The following SDK1 variants were observed in gnomAD, a reference collection of about 807,000 sequenced individuals.
SDK1 encodes the protein sidekick cell adhesion molecule 1.
SDK1 carries 157 observed loss-of-function variants against 245.5 expected under a neutral mutation model. That is an observed-to-expected ratio of 0.64 (90% confidence interval 0.56 to 0.73). The LOEUF is 0.73. SDK1 is among the 30% of genes least tolerant of loss of function. The pLI is 0.00. For synonymous variants in SDK1, 1,647 were observed against 1,278.5 expected (o/e 1.29, Z -6.15); for missense variants, 3,583 against 3,002.3 (o/e 1.19, Z -4.52).
At chr7:3,915,975 C>T (rs1160938441) in intron 5 of SDK1, among the ~76,000 whole-genome samples, 2 of 152,088 alleles carry the variant, frequency 1.3e-5, no homozygotes, top group Non-Finnish European at 2.9e-5. Flanking sequence ...TTCCCTAAAC[C>T]AAAAAGTGAC....
At chr7:3,717,959 T>C (rs963971955) in intron 4 of SDK1, among the ~76,000 whole-genome samples, 59 of 142,762 alleles carry the variant, frequency 4.1e-4, no homozygotes, top group African/African-American at 1.4e-3. Context: ...AGACAGCATT[T>C]AAAAAAAAAA....
intron 5 of SDK1, among the ~76,000 whole-genome samples, chr7:3,936,584 C>CA (rs35348363): frequency 0.43 from 60,604 of 139,428 alleles, 14,719 homozygotes; most frequent in African/African-American, 0.71. Flanking sequence ...GACTCCATCT[C>CA]AAAAAAAAAA....
chr7:4,147,374 A>G (rs918865160), intron 29 of SDK1, among the ~76,000 whole-genome samples: 7 of 152,072 alleles, frequency 4.6e-5, no homozygotes, highest in Admixed American at 2.6e-4. Flanking sequence ...TCTTGCTATG[A>G]TACCCATCTT....
chr7:3,795,403 T>C lies in SDK1; in HGVS notation c.714-26047T>C, dbSNP rs369367240. Reference sequence around the variant, plus strand: ...TGGAAGGAGTCTGATTCAGGCCTTATAGATCATTTATATTACAGAGAAAGG... The same window carrying C: ...TGGAAGGAGTCTGATTCAGGCCTTACAGATCATTTATATTACAGAGAAAGG... On this transcript the variant is annotated intron_variant, in intron 4 of 44. Coordinates refer to ENST00000404826, the MANE Select transcript of SDK1 (RefSeq NM_152744.4). Among the ~76,000 whole-genome samples, 17 of 152,228 alleles carry C rather than the reference T, an allele frequency of 1.1e-4. No individual in the cohort carries two copies. The South Asian group carries it at 2.3e-3, about 20-fold the overall frequency.
chr7:3,432,587 A>G (rs1779888435), intron 1 of SDK1, among the ~76,000 whole-genome samples: 2 of 152,184 alleles, frequency 1.3e-5, no homozygotes, highest in Admixed American at 6.5e-5. Flanking sequence ...GGGAAGAAAC[A>G]TATTTTGCTA....
intron 1 of SDK1, among the ~76,000 whole-genome samples, chr7:3,528,945 A>G (rs1054230218): frequency 1.3e-5 from 2 of 152,124 alleles, no homozygotes; most frequent in Admixed American, 1.3e-4. Flanking sequence ...AAGAAGGAGC[A>G]ATCAGGCCAG....
chr7:4,074,856 T>TACTTTCCCTCTCTCTCTCTCTCTCTCTC (rs1486926440), intron 20 of SDK1, among the ~76,000 whole-genome samples: 5 of 72,338 alleles, frequency 6.9e-5, no homozygotes, highest in South Asian at 5.1e-4. Context: ...GAGCAAGACT[T>TACTTTCCCTCTCTCTCTCTCTCTCTCTC]TCTCTCTCTC....
At chr7:3,631,366 A>G (rs185744214) in intron 2 of SDK1, among the ~76,000 whole-genome samples, 23 of 152,292 alleles carry the variant, frequency 1.5e-4, no homozygotes, top group Admixed American at 1.5e-3. Flanking sequence ...AATTGTGTGT[A>G]ACTCCCATCT....
intron 44 of SDK1, among the ~76,000 whole-genome samples, chr7:4,255,914 CTT>C (rs34810935): frequency 0.058 from 6,010 of 103,834 alleles, 81 homozygotes; most frequent in East Asian, 0.13. Context: ...TTTCCAAATA[CTT>C]TTTTTTTTTT....
intron 4 of SDK1, among the ~76,000 whole-genome samples, chr7:3,804,989 C>T (rs902196400): frequency 7.9e-5 from 12 of 152,068 alleles, no homozygotes; most frequent in African/African-American, 2.7e-4. Context: ...CAACAGAGTG[C>T]ATACTTGAAA....
chr7:3,320,268 CT>C (rs956482060), intron 1 of SDK1, among the ~76,000 whole-genome samples: 4 of 115,022 alleles, frequency 3.5e-5, no homozygotes, highest in African/African-American at 1.1e-4. Flanking sequence ...GCAGTTACAG[CT>C]TTTTTTTTCT....
chr7:3,370,369 G>T (rs2128563187), intron 1 of SDK1, among the ~76,000 whole-genome samples: 1 of 152,330 alleles, frequency 6.6e-6, no homozygotes, highest in East Asian at 1.9e-4. Context: ...AACAATTGCA[G>T]TCAGTTGTTC....
chr7:4,248,483 A>G (rs1787059715), intron 44 of SDK1, among the ~76,000 whole-genome samples: 1 of 151,902 alleles, frequency 6.6e-6, no homozygotes, highest in Non-Finnish European at 1.5e-5. Context: ...TTACCTAAAT[A>G]CACACAACAT....
At chr7:3,313,946 T>C (rs79189714) in intron 1 of SDK1, among the ~76,000 whole-genome samples, 6,599 of 152,242 alleles carry the variant, frequency 0.043, 448 homozygotes, top group African/African-American at 0.14. Context: ...AAAATGTATG[T>C]GAGCAGGAGT....
intron 1 of SDK1, among the ~76,000 whole-genome samples, chr7:3,540,805 C>T (rs945435852): frequency 7.2e-5 from 11 of 152,070 alleles, no homozygotes; most frequent in African/African-American, 1.7e-4. Context: ...AGCCATCATT[C>T]GTATATCTAT....
chr7:3,845,488 CAAAA>C (rs369588343), intron 5 of SDK1, among the ~76,000 whole-genome samples: 3 of 40,196 alleles, frequency 7.5e-5, no homozygotes, highest in Non-Finnish European at 1.0e-4. Flanking sequence ...GACTCCGTCT[CAAAA>C]AAAAAAAAAA....
Position 3,338,430 on chromosome 7 carries a change from T to C in SDK1, c.298+36546T>C, listed in dbSNP as rs180727306. 9.7e-4 allele frequency: 510 copies of C among 525,446 alleles called. 1 individual carries two copies. Among genetic ancestry groups the C allele is most frequent in the Non-Finnish European group, 1.7e-3 (454 of 274,076 alleles). 32.5% of individuals were successfully genotyped at this position (525,446 alleles called of 1,614,324 possible). ...CATTAAGCACTCTTAAGAGCCAAGATAGCTTCCTGAAACATGTGAAGGAAA... is the reference window on the plus strand; with the variant it reads ...CATTAAGCACTCTTAAGAGCCAAGACAGCTTCCTGAAACATGTGAAGGAAA... On this transcript the variant is annotated intron_variant, in intron 1 of 44. Transcript: ENST00000404826.
At chr7:3,487,509 A>T (rs1296467478) in intron 1 of SDK1, among the ~76,000 whole-genome samples, 1 of 152,120 alleles carries the variant, frequency 6.6e-6, no homozygotes, top group East Asian at 1.9e-4. Context: ...TAGGAGGCCA[A>T]GGTAAACAGA....
intron 19 of SDK1, among the ~76,000 whole-genome samples, chr7:4,058,341 A>G (rs1439164786): frequency 1.3e-5 from 2 of 152,090 alleles, no homozygotes; most frequent in African/African-American, 4.8e-5. Context: ...AATAAAGACT[A>G]TGTGATATAT....
Sources: gnomAD v4.1 joint callset for allele counts (sites outside exome capture counted in the v4.1 genomes callset) on GRCh38, gnomAD v4.1.1 for gene constraint, MANE v1.5 for transcripts, NCBI Gene and HGNC (gene_info 2026-07-23, HGNC 2026-07-21) for gene names.